Variants in BRINP1 observed in about 807,000 individuals in gnomAD.
The protein encoded by BRINP1 is BMP/retinoic acid inducible neural specific 1, also known as BMP/retinoic acid-inducible neural-specific protein 1.
A neutral mutation model predicts 72.9 loss-of-function variants in BRINP1; 17 were observed. The observed-to-expected ratio is 0.23, with a 90% CI of 0.16 to 0.35. The LOEUF (loss-of-function observed/expected upper bound fraction) is 0.35. BRINP1 is among the 10% of genes least tolerant of loss of function. BRINP1 has a pLI of 1.00. For synonymous variants in BRINP1, 418 were observed against 378.5 expected, an observed-to-expected ratio of 1.10 and a Z score of -1.21; for missense variants, 850 against 1,001.6, an observed-to-expected ratio of 0.85 and a Z score of 2.04.
In BRINP1 at chr9:119,300,545, T is replaced by C. The variant is rs369344662; in HGVS notation, c.218+12593A>G. ...GAACAAAAAATTAAAAAATAAAAAA[T>C]AATAACCCCACTGTGTCCCACAGTG... is the stretch of plus-strand genomic sequence containing the variant. On this transcript the variant is annotated intron_variant, in intron 2 of 7. Transcript: ENST00000265922. Among the ~76,000 whole-genome samples the C allele has an allele frequency of 1.1e-4, 16 of 152,162 alleles. 1 individual carries two copies. Among genetic ancestry groups the C allele is most frequent in the African/African-American group, 3.6e-4 (15 of 41,528 alleles).
At chr9:119,334,079 C>T (rs1831326587) in intron 1 of BRINP1, among the ~76,000 whole-genome samples, 1 of 152,208 alleles carries the variant, frequency 6.6e-6, no homozygotes. Flanking sequence ...AAGGCCGCTT[C>T]CCTGCTGGGA....
chr9:119,356,810 A>C (rs1310988546), intron 1 of BRINP1, among the ~76,000 whole-genome samples: 1 of 151,992 alleles, frequency 6.6e-6, no homozygotes, highest in African/African-American at 2.4e-5. Context: ...GTCTCAAAAA[A>C]AAAAAAAACA....
rs373574674 is a variant in BRINP1 at position 119,214,019 on chromosome 9, C to T, written c.822G>A (p.Pro274=). The T allele has an allele frequency of 9.9e-6, 16 of 1,613,992 alleles. No individual in the cohort carries two copies. Among genetic ancestry groups the T allele is most frequent in the East Asian group, 2.2e-5 (1 of 44,866 alleles). The change falls in exon 6 of 8, where the codon CCG becomes CCA. Residue 274 remains proline, a synonymous_variant. Coordinates refer to ENST00000265922, the MANE Select transcript of BRINP1 (RefSeq NM_014618.3). ...QCRCQCAEEF[P]QCNCPITDIQ... ...TGTCCGTGATGGGGCAGTTGCACTG[C>T]GGAAACTCCTCGGCACATTGGCAGC...
chr9:119,250,751 A>C (rs371155718), intron 2 of BRINP1, among the ~76,000 whole-genome samples: 1 of 152,278 alleles, frequency 6.6e-6, no homozygotes, highest in East Asian at 1.9e-4. Context: ...GTTCCCACCA[A>C]AGATGCAGCT....
In BRINP1 at chr9:119,250,666, G is replaced by C. The variant is rs536488885; in HGVS notation, c.219-1516C>G. ...TTAAAAGTTCACATACAGTAAACTT[G>C]GAGCATACAAACCGAGTACAAGTGA... On this transcript the variant is annotated intron_variant, in intron 2 of 7. Transcript: ENST00000265922. Among the ~76,000 whole-genome samples the C allele has an allele frequency of 4.9e-4, 74 of 152,264 alleles. 1 individual carries two copies. Among genetic ancestry groups the C allele is most frequent in the African/African-American group, 1.8e-3 (73 of 41,548 alleles).
intron 5 of BRINP1, among the ~76,000 whole-genome samples, chr9:119,223,025 T>C (rs980040154): frequency 5.3e-5 from 8 of 152,020 alleles, no homozygotes; most frequent in South Asian, 2.1e-4. Context: ...ATCTCCCTTC[T>C]TTTTCTTGTT....
chr9:119,276,716 G>C (rs2118957279), intron 2 of BRINP1, among the ~76,000 whole-genome samples: 1 of 152,176 alleles, frequency 6.6e-6, no homozygotes, highest in Non-Finnish European at 1.5e-5. Flanking sequence ...TGGTATAGCT[G>C]GGTCAAACGA....
intron 5 of BRINP1, among the ~76,000 whole-genome samples, chr9:119,230,237 G>C (rs1830133650): frequency 6.6e-6 from 1 of 152,126 alleles, no homozygotes; most frequent in South Asian, 2.1e-4. Flanking sequence ...ATAAGGCAAA[G>C]CCAAGAAGAT....
chr9:119,366,149 G>A lies in BRINP1; in HGVS notation c.-51+2907C>T, dbSNP rs575960399. Among the ~76,000 whole-genome samples, 49 of 152,084 alleles carry A rather than the reference G, an allele frequency of 3.2e-4. 1 individual carries two copies. The highest frequency in any genetic ancestry group is 6.5e-4 in the Non-Finnish European group (44 of 68,030). On this transcript the variant is annotated intron_variant, in intron 1 of 7. Transcript: ENST00000265922. ...CTCTTTTTTGGAAATGTAGCAAGCA[G>A]GAAAGGTTTCTGGATCTTTGTGTGC...
chr9:119,167,467 G>C lies in BRINP1; in HGVS notation c.1903C>G (p.Gln635Glu). 6.2e-6 allele frequency: 10 copies of C among 1,614,112 alleles called. No homozygotes were observed. The highest frequency in any genetic ancestry group is 8.5e-6 in the Non-Finnish European group (10 of 1,180,010). Residue 635 changes from glutamine (Q) to glutamate (E), a missense_variant, in exon 8 of 8, where the codon CAG becomes GAG. Gln to Glu is a conservative substitution (Grantham distance 29). Transcript: ENST00000265922. The surrounding 1 kb of genome is among the most constrained non-coding windows in gnomAD (Gnocchi z 4.3). ...LPTLLRNETG[Q>E]GPVDLSDPSK... ...GGATCCGACAGGTCCACGGGGCCCT[G>C]GCCAGTCTCATTTCGCAGTAGGGTA...
chr9:119,367,221 G>GTTATATATATATAT (rs1564259756), intron 1 of BRINP1, among the ~76,000 whole-genome samples: 1 of 99,850 alleles, frequency 1.0e-5, no homozygotes, highest in Non-Finnish European at 1.9e-5. Flanking sequence ...GTGTGTGATT[G>GTTATATATATATAT]ATATATATAT....
At chr9:119,208,190 A>C (rs1180044387) in intron 7 of BRINP1, among the ~76,000 whole-genome samples, 2 of 151,824 alleles carry the variant, frequency 1.3e-5, no homozygotes, top group Non-Finnish European at 1.5e-5. Flanking sequence ...TGAAGGTGAC[A>C]CTCTCTCAGG....
intron 2 of BRINP1, among the ~76,000 whole-genome samples, chr9:119,268,826 TAAGAA>T (rs1474158610): frequency 2.0e-5 from 3 of 152,126 alleles, no homozygotes; most frequent in South Asian, 2.1e-4. Context: ...GTTGAGCACA[TAAGAA>T]AAGAAATCAC....
chr9:119,217,232 T>C (rs887966777), intron 5 of BRINP1, among the ~76,000 whole-genome samples: 1 of 151,946 alleles, frequency 6.6e-6, no homozygotes, highest in Admixed American at 6.6e-5. Flanking sequence ...GGAGGGGGAT[T>C]TGGCTTGTGA....
intron 3 of BRINP1, among the ~76,000 whole-genome samples, chr9:119,244,796 C>A (rs1830297353): frequency 6.6e-6 from 1 of 152,160 alleles, no homozygotes; most frequent in Admixed American, 6.5e-5. Flanking sequence ...GGCATTCCTG[C>A]AAATTGCCTC....
chr9:119,189,904 A>G (rs983528374), intron 7 of BRINP1, among the ~76,000 whole-genome samples: 1 of 152,092 alleles, frequency 6.6e-6, no homozygotes, highest in African/African-American at 2.4e-5. Flanking sequence ...ATTCTCCAGG[A>G]CAGATCACAT....
At chr9:119,267,536 T>G (rs957221971) in intron 2 of BRINP1, among the ~76,000 whole-genome samples, 1 of 152,026 alleles carries the variant, frequency 6.6e-6, no homozygotes, top group Middle Eastern at 3.4e-3. Flanking sequence ...CTTGGAAGGC[T>G]GAGGCAGGAG....
At chr9:119,272,318 G>A (rs1410547808) in intron 2 of BRINP1, among the ~76,000 whole-genome samples, 1 of 152,024 alleles carries the variant, frequency 6.6e-6, no homozygotes, top group African/African-American at 2.4e-5. Context: ...CCTGACCTCA[G>A]ATGATCCACC....
Position 119,183,969 on chromosome 9 carries a change from CAG to C in BRINP1, c.1146-15747_1146-15746del, listed in dbSNP as rs540173656. Among the ~76,000 whole-genome samples the C allele has an allele frequency of 3.8e-4, 58 of 152,060 alleles. No homozygotes were observed. The South Asian group carries it at 7.5e-3, about 20-fold the overall frequency. ...CAGGAGAATTGGGTGATGGCTCTGA[CAG>C]GGGATTAAAAAGAAGCAGTCCATAG... On this transcript the variant is annotated intron_variant, in intron 7 of 7. Coordinates refer to ENST00000265922, the MANE Select transcript of BRINP1 (RefSeq NM_014618.3).
Sources: gnomAD v4.1 joint callset for allele counts (sites outside exome capture counted in the v4.1 genomes callset) on GRCh38, gnomAD v4.1.1 for gene constraint, Gnocchi (gnomAD v3.1) non-coding constraint, MANE v1.5 for transcripts, NCBI Gene and HGNC (gene_info 2026-07-23, HGNC 2026-07-21) for gene names.